The following PITPNC1 variants were observed in gnomAD, a reference collection of about 807,000 sequenced individuals.
PITPNC1 encodes cytoplasmic phosphatidylinositol transfer protein 1.
Under a neutral mutation model 44.7 loss-of-function variants are expected in PITPNC1, and 18 were observed. The observed-to-expected ratio is 0.40, with a 90% CI of 0.28 to 0.60. The LOEUF (loss-of-function observed/expected upper bound fraction) is 0.60. Ranked by LOEUF, PITPNC1 falls within the 20% of genes least tolerant of loss-of-function variation. PITPNC1 has a pLI of 0.39. For synonymous variants in PITPNC1, 141 were observed against 149.6 expected (o/e 0.94, Z 0.42); for missense variants, 290 against 418.4 (o/e 0.69, Z 2.68).
At chr17:67,469,906 A>ATG (rs1219856283) in intron 1 of PITPNC1, among the ~76,000 whole-genome samples, 3 of 152,064 alleles carry the variant, frequency 2.0e-5, no homozygotes, top group Non-Finnish European at 4.4e-5. Flanking sequence ...TAATATATAT[A>ATG]TGTGTGTGTA....
intron 6 of PITPNC1, among the ~76,000 whole-genome samples, chr17:67,633,627 G>A (rs1446473363): frequency 6.6e-6 from 1 of 152,156 alleles, no homozygotes; most frequent in Non-Finnish European, 1.5e-5. Context: ...AAAGTTAAAC[G>A]CTCCCTACGT....
chr17:67,385,747 GT>G (rs11284565), intron 1 of PITPNC1, among the ~76,000 whole-genome samples: 131,729 of 149,586 alleles, frequency 0.88, 58,630 homozygotes, highest in Non-Finnish European at 0.94. Flanking sequence ...CAAAGCTCCG[GT>G]TTTTTTTTTT....
intron 8 of PITPNC1, among the ~76,000 whole-genome samples, chr17:67,681,853 A>G (rs1039803427): frequency 6.6e-6 from 1 of 152,162 alleles, no homozygotes; most frequent in Admixed American, 6.6e-5. Flanking sequence ...TAGAAATGAT[A>G]AGCACAAACA....
chr17:67,487,238 G>C (rs964131892), intron 1 of PITPNC1, among the ~76,000 whole-genome samples: 1 of 151,950 alleles, frequency 6.6e-6, no homozygotes, highest in Non-Finnish European at 1.5e-5. Flanking sequence ...GTAGTGGCAC[G>C]ATCTCAGCTC....
At chr17:67,437,064 C>T (rs1269274195) in intron 1 of PITPNC1, among the ~76,000 whole-genome samples, 1 of 151,554 alleles carries the variant, frequency 6.6e-6, no homozygotes, top group Non-Finnish European at 1.5e-5. Flanking sequence ...AGACTACAGG[C>T]TTGCACCACC....
At chr17:67,409,490 A>G (rs1219685730) in intron 1 of PITPNC1, among the ~76,000 whole-genome samples, 1 of 150,984 alleles carries the variant, frequency 6.6e-6, no homozygotes, top group Non-Finnish European at 1.5e-5. Flanking sequence ...TTCACTCAAC[A>G]TTTTGATCCT....
At chr17:67,439,808 C>A (rs1468801948) in intron 1 of PITPNC1, among the ~76,000 whole-genome samples, 1 of 151,986 alleles carries the variant, frequency 6.6e-6, no homozygotes, top group East Asian at 1.9e-4. Flanking sequence ...TTTGGCATCC[C>A]GTTTCTTGAT....
intron 1 of PITPNC1, among the ~76,000 whole-genome samples, chr17:67,479,970 ATTAT>A (rs1237598511): frequency 6.6e-6 from 1 of 152,240 alleles, no homozygotes; most frequent in Non-Finnish European, 1.5e-5. Context: ...CTTTCCCTGA[ATTAT>A]TTATTATTTC....
chr17:67,519,008 T>C (rs1483840152), intron 1 of PITPNC1, among the ~76,000 whole-genome samples: 1 of 152,086 alleles, frequency 6.6e-6, no homozygotes, highest in African/African-American at 2.4e-5. Context: ...CCTCCTGCAT[T>C]GCTGGTAGGG....
At chr17:67,582,869 T>C (rs1038834836) in intron 5 of PITPNC1, among the ~76,000 whole-genome samples, 12 of 152,234 alleles carry the variant, frequency 7.9e-5, no homozygotes, top group Non-Finnish European at 1.3e-4. Flanking sequence ...CACTGCCTGG[T>C]TCAGCTGAAT....
intron 4 of PITPNC1, among the ~76,000 whole-genome samples, chr17:67,569,850 C>G (rs1237324594): frequency 6.6e-6 from 1 of 152,140 alleles, no homozygotes; most frequent in Non-Finnish European, 1.5e-5. Context: ...GCTTTCTCTG[C>G]TTTATTCTCC....
intron 5 of PITPNC1, among the ~76,000 whole-genome samples, chr17:67,602,511 C>A (rs886404269): frequency 6.6e-6 from 1 of 152,068 alleles, no homozygotes; most frequent in Non-Finnish European, 1.5e-5. Flanking sequence ...TGTTGATGGG[C>A]TGCCCATGTG....
intron 1 of PITPNC1, among the ~76,000 whole-genome samples, chr17:67,428,796 C>G (rs918659528): frequency 6.7e-6 from 1 of 148,864 alleles, no homozygotes; most frequent in Non-Finnish European, 1.5e-5. Flanking sequence ...TATTTATAAA[C>G]TTAAAACAAA....
chr17:67,672,186 G>A (rs2042526505), intron 7 of PITPNC1, among the ~76,000 whole-genome samples: 1 of 151,806 alleles, frequency 6.6e-6, no homozygotes, highest in African/African-American at 2.4e-5. Context: ...TGCCTGCCTC[G>A]GCCTCCCAAA....
At chr17:67,446,416 A>G (rs1405565336) in intron 1 of PITPNC1, among the ~76,000 whole-genome samples, 1 of 146,350 alleles carries the variant, frequency 6.8e-6, no homozygotes, top group Admixed American at 6.9e-5. Flanking sequence ...CTGTTTTCAG[A>G]AAAAAAAAAA....
At chr17:67,530,577 T>C (rs2040448369) in intron 1 of PITPNC1, among the ~76,000 whole-genome samples, 1 of 152,218 alleles carries the variant, frequency 6.6e-6, no homozygotes, top group African/African-American at 2.4e-5. Flanking sequence ...GGTCACATTC[T>C]GGGTTACTAG....
intron 1 of PITPNC1, among the ~76,000 whole-genome samples, chr17:67,485,596 C>G (rs2144034941): frequency 1.3e-5 from 2 of 152,172 alleles, no homozygotes; most frequent in South Asian, 4.1e-4. Flanking sequence ...ATCCACCCAC[C>G]TCAGCCTCCC....
chr17:67,380,445 C>A (rs765863170), intron 1 of PITPNC1, among the ~76,000 whole-genome samples: 133 of 152,246 alleles, frequency 8.7e-4, no homozygotes, highest in African/African-American at 3.1e-3. Flanking sequence ...ATTATAAATT[C>A]TTTAATGTAT....
intron 4 of PITPNC1, among the ~76,000 whole-genome samples, chr17:67,554,140 C>T (rs1220642664): frequency 2.0e-5 from 3 of 151,156 alleles, no homozygotes; most frequent in Non-Finnish European, 4.4e-5. Flanking sequence ...ATTACTTAGA[C>T]TGAAAGAAAA....
Sources: gnomAD v4.1 joint callset for allele counts (sites outside exome capture counted in the v4.1 genomes callset) on GRCh38, gnomAD v4.1.1 for gene constraint, MANE v1.5 for transcripts, NCBI Gene and HGNC (gene_info 2026-07-23, HGNC 2026-07-21) for gene names.